MAGI2: variants seen among roughly 807,000 people sequenced by gnomAD.
The protein encoded by MAGI2 is membrane associated guanylate kinase, WW and PDZ domain containing 2, also known as membrane-associated guanylate kinase, WW and PDZ domain-containing protein 2.
In MAGI2, 35 loss-of-function variants were observed where a neutral mutation model predicts 133.3. The observed-to-expected ratio is 0.26, with a 90% CI of 0.20 to 0.35. The LOEUF is 0.35. Among genes scored for constraint, MAGI2 ranks in the 10% least tolerant of loss-of-function variants. The pLI is 1.00. For synonymous variants in MAGI2, 729 were observed against 710.6 expected, an observed-to-expected ratio of 1.03 and a Z score of -0.41; for missense variants, 1,636 against 1,863.4, an observed-to-expected ratio of 0.88 and a Z score of 2.25.
At chr7:78,088,582 C>A (rs934629969) in intron 20 of MAGI2, among the ~76,000 whole-genome samples, 3 of 152,164 alleles carry the variant, frequency 2.0e-5, no homozygotes, top group Admixed American at 6.5e-5. Context: ...GCTGTTACCA[C>A]CTCTAGTCTG....
At chr7:79,336,362 C>T (rs927627427) in intron 1 of MAGI2, among the ~76,000 whole-genome samples, 1 of 151,884 alleles carries the variant, frequency 6.6e-6, no homozygotes, top group African/African-American at 2.4e-5. Context: ...TTGGATAGTA[C>T]TATAAACTGT....
intron 2 of MAGI2, among the ~76,000 whole-genome samples, chr7:78,822,967 T>A (rs923904452): frequency 1.3e-5 from 2 of 152,228 alleles, no homozygotes; most frequent in African/African-American, 4.8e-5. Flanking sequence ...ATTTTTACTG[T>A]TTGAATAACT....
At chr7:78,498,933 C>T (rs952172020) in intron 5 of MAGI2, among the ~76,000 whole-genome samples, 4 of 152,094 alleles carry the variant, frequency 2.6e-5, no homozygotes, top group African/African-American at 4.8e-5. Flanking sequence ...TCAGCTCTTT[C>T]GCCACAGATG....
At chr7:79,041,264 G>T (rs1017643087) in intron 1 of MAGI2, among the ~76,000 whole-genome samples, 7 of 152,020 alleles carry the variant, frequency 4.6e-5, no homozygotes, top group Non-Finnish European at 8.8e-5. Context: ...ATTCAAAGAA[G>T]TTTTGCATTA....
At chr7:79,031,668 T>C (rs1263906614) in intron 1 of MAGI2, among the ~76,000 whole-genome samples, 1 of 152,172 alleles carries the variant, frequency 6.6e-6, no homozygotes, top group Non-Finnish European at 1.5e-5. Context: ...AAAGGTGTCT[T>C]TATAAACAAA....
intron 3 of MAGI2, among the ~76,000 whole-genome samples, chr7:78,537,639 T>A (rs1401838565): frequency 2.0e-5 from 3 of 152,190 alleles, no homozygotes; most frequent in Admixed American, 6.5e-5. Context: ...CATTTGTATA[T>A]CTTTTTGTGA....
intron 1 of MAGI2, among the ~76,000 whole-genome samples, chr7:79,118,892 G>A (rs938075046): frequency 1.3e-5 from 2 of 152,006 alleles, no homozygotes; most frequent in East Asian, 1.9e-4. Context: ...AAAGGAAGAC[G>A]ATTTATTCTT....
intron 1 of MAGI2, among the ~76,000 whole-genome samples, chr7:79,117,971 C>T (rs951631138): frequency 3.2e-4 from 48 of 152,254 alleles, no homozygotes; most frequent in South Asian, 2.1e-4. Context: ...GATAGGTGTT[C>T]TCTATTGTAA....
intron 2 of MAGI2, among the ~76,000 whole-genome samples, chr7:78,930,397 A>G (rs1224485736): frequency 6.6e-6 from 1 of 152,134 alleles, no homozygotes; most frequent in East Asian, 1.9e-4. Context: ...ACAGCTCATT[A>G]GCATCTACAG....
intron 1 of MAGI2, among the ~76,000 whole-genome samples, chr7:79,342,154 A>G (rs1171844997): frequency 6.6e-6 from 1 of 152,238 alleles, no homozygotes; most frequent in Non-Finnish European, 1.5e-5. Context: ...TTAAAATGAT[A>G]CATTTAAGAG....
At chr7:79,212,217 T>C (rs1348930058) in intron 1 of MAGI2, among the ~76,000 whole-genome samples, 1 of 152,094 alleles carries the variant, frequency 6.6e-6, no homozygotes, top group East Asian at 1.9e-4. Flanking sequence ...GTAGTTGCTA[T>C]AGAGTATTCC....
chr7:78,204,745 T>C (rs1301110820), intron 10 of MAGI2, among the ~76,000 whole-genome samples: 1 of 152,124 alleles, frequency 6.6e-6, no homozygotes, highest in Non-Finnish European at 1.5e-5. Context: ...TTGCGTCTTA[T>C]GATAAAAGCA....
At chr7:78,728,792 C>T (rs1821086181) in intron 2 of MAGI2, among the ~76,000 whole-genome samples, 1 of 125,502 alleles carries the variant, frequency 8.0e-6, no homozygotes, top group Non-Finnish European at 1.8e-5. Flanking sequence ...GTCTCGATCT[C>T]CTGACCTCGT....
intron 2 of MAGI2, among the ~76,000 whole-genome samples, chr7:78,945,144 C>T (rs1801312558): frequency 6.6e-6 from 1 of 151,986 alleles, no homozygotes; most frequent in African/African-American, 2.4e-5. Context: ...TTATTGCAAC[C>T]TCCCCCTCCC....
intron 1 of MAGI2, among the ~76,000 whole-genome samples, chr7:79,171,764 ATATATATT>A (rs1171051324): frequency 2.4e-4 from 6 of 24,794 alleles, no homozygotes; most frequent in South Asian, 8.3e-4. Context: ...ATATATATAT[ATATATATT>A]TTTTTTTTTT....
chr7:78,982,781 G>T (rs1183790087), intron 2 of MAGI2, among the ~76,000 whole-genome samples: 1 of 151,724 alleles, frequency 6.6e-6, no homozygotes, highest in Non-Finnish European at 1.5e-5. Flanking sequence ...AACTTATTTG[G>T]GTCCTCTGAC....
At chr7:78,746,658 G>T (rs569418748) in intron 2 of MAGI2, among the ~76,000 whole-genome samples, 1 of 152,162 alleles carries the variant, frequency 6.6e-6, no homozygotes, top group Non-Finnish European at 1.5e-5. Context: ...CTCATCATTT[G>T]CATTTGGACT....
chr7:78,657,584 C>T (rs374697067), intron 2 of MAGI2, among the ~76,000 whole-genome samples: 3 of 152,060 alleles, frequency 2.0e-5, no homozygotes, highest in Admixed American at 6.6e-5. Context: ...TGTATGATTC[C>T]AACTATATGG....
intron 13 of MAGI2, among the ~76,000 whole-genome samples, chr7:78,183,268 A>ATT (rs35853118): frequency 0.023 from 3,174 of 137,394 alleles, 95 homozygotes; most frequent in African/African-American, 0.066. Context: ...GTATTTTTGT[A>ATT]TTTTTTTTTT....
Sources: allele counts gnomAD v4.1 joint callset (sites outside exome capture counted in the v4.1 genomes callset), GRCh38; gene constraint gnomAD v4.1.1; transcripts MANE v1.5; gene names NCBI Gene and HGNC (gene_info 2026-07-23, HGNC 2026-07-21).